The following DHTKD1 variants were observed in gnomAD, a reference collection of about 807,000 sequenced individuals.
DHTKD1 encodes the protein 2-oxoadipate dehydrogenase complex component E1.
A neutral mutation model predicts 101.8 loss-of-function variants in DHTKD1; 78 were observed. The ratio of observed to expected loss-of-function variants is 0.77; its 90% CI spans 0.64 to 0.93. DHTKD1 has a LOEUF of 0.93. DHTKD1 is among the 40% of genes least tolerant of loss of function. DHTKD1 has a pLI of 0.00. For synonymous variants in DHTKD1, 462 were observed against 450.3 expected, an observed-to-expected ratio of 1.03 and a Z score of -0.33; for missense variants, 1,223 against 1,161.7, an observed-to-expected ratio of 1.05 and a Z score of -0.77.
At chr10:12,114,682 G>A (rs981726933) in intron 13 of DHTKD1, among the ~76,000 whole-genome samples, 1 of 152,214 alleles carries the variant, frequency 6.6e-6, no homozygotes, top group African/African-American at 2.4e-5. Flanking sequence ...AGAATATCTT[G>A]TGCTGCTCAC....
chr10:12,086,053 A>T (rs1319046340), intron 3 of DHTKD1, among the ~76,000 whole-genome samples: 1 of 151,774 alleles, frequency 6.6e-6, no homozygotes, highest in East Asian at 1.9e-4. Context: ...TATTTTTAGT[A>T]GAGACGGGGT....
intron 5 of DHTKD1, among the ~76,000 whole-genome samples, chr10:12,090,407 T>TCCTGCC (rs755290569): frequency 5.8e-5 from 1 of 17,330 alleles, no homozygotes; most frequent in Admixed American, 6.4e-4. Context: ...CTTCCTTCCT[T>TCCTGCC]TTTTCCTTCC....
In DHTKD1 at chr10:12,119,452, G is replaced by A. The variant is rs555178426; in HGVS notation, c.2572+534G>A. ...AACACAGTGAAACCCCGTCTCTACT[G>A]AAAATACAAAAAAATTAGCCGGGCG... On this transcript the variant is annotated intron_variant, in intron 15 of 16. Transcript: ENST00000263035. Among the ~76,000 whole-genome samples, 790 of 146,974 alleles carry A rather than the reference G, an allele frequency of 5.4e-3. 12 individuals are homozygous for A. The highest frequency in any genetic ancestry group is 0.019 in the African/African-American group (738 of 39,684).
At chr10:12,116,329 ATCTTC>A (rs1485636775) in intron 13 of DHTKD1, 2 of 152,058 alleles carry the variant, frequency 1.3e-5, no homozygotes, top group African/African-American at 4.8e-5. Flanking sequence ...GGCCATGCTA[ATCTTC>A]TCTGCAGTGT....
At chr10:12,077,583 TTA>T (rs2131349016) in intron 1 of DHTKD1, among the ~76,000 whole-genome samples, 1 of 152,322 alleles carries the variant, frequency 6.6e-6, no homozygotes, top group South Asian at 2.1e-4. Flanking sequence ...TTCTACAATA[TTA>T]TTTTTTAATG....
At chr10:12,106,498 C>A in intron 11 of DHTKD1, 102 bp downstream of exon 11, 2 of 1,464,594 alleles carry the variant, frequency 1.4e-6, no homozygotes, top group Non-Finnish European at 1.9e-6. Flanking sequence ...CCTTGAGACT[C>A]CCGTGTGCGG....
chr10:12,083,802 C>T (rs1832857986), intron 2 of DHTKD1, among the ~76,000 whole-genome samples: 1 of 152,194 alleles, frequency 6.6e-6, no homozygotes, highest in African/African-American at 2.4e-5. Context: ...AGGCTCTGTC[C>T]TTGTGAAGGA....
Position 12,087,984 on chromosome 10 carries a change from G to A in DHTKD1, c.717+255G>A, listed in dbSNP as rs997056539. ...ATAAGTTAGCCAAGCATGGTGGCAC[G>A]CACCCGTGTTCCCAGCTACTCAGGA... On this transcript the variant is annotated intron_variant, in intron 4 of 16. Coordinates refer to ENST00000263035, the MANE Select transcript of DHTKD1 (RefSeq NM_018706.7). The surrounding 1 kb of genome is among the most constrained non-coding windows in gnomAD (Gnocchi z 5.2). Among the ~76,000 whole-genome samples the A allele has an allele frequency of 6.6e-6, 1 of 152,084 alleles. No homozygotes were observed. The highest frequency in any genetic ancestry group is 2.4e-5 in the African/African-American group (1 of 41,424).
Position 12,089,038 on chromosome 10 carries a change from C to T in DHTKD1, c.770C>T (p.Ala257Val). ...GLSEFPENFS[A>V]TGDVLSHLTS... ...AGTGAATTTCCAGAGAATTTCTCAGCCACTGGAGACGTCCTGTCTCACCTG... is the reference window on the plus strand; with the variant it reads ...AGTGAATTTCCAGAGAATTTCTCAGTCACTGGAGACGTCCTGTCTCACCTG... Residue 257 changes from alanine to valine, a missense_variant, in exon 5 of 17, where the codon GCC becomes GTC. Physicochemically the swap from Ala to Val is moderately conservative, Grantham distance 64. Transcript: ENST00000263035. 1 of 1,613,884 alleles carries T rather than the reference C, an allele frequency of 6.2e-7. No homozygotes were observed. The highest frequency in any genetic ancestry group is 1.1e-5 in the South Asian group (1 of 91,074).
chr10:12,090,003 GA>G (rs201411473), intron 5 of DHTKD1, among the ~76,000 whole-genome samples: 3,058 of 151,584 alleles, frequency 0.02, 96 homozygotes, highest in African/African-American at 0.069. Flanking sequence ...ATTTGAAAAT[GA>G]AAGTCTTTGG....
At chr10:12,079,374 A>T (rs1832780216) in intron 1 of DHTKD1, among the ~76,000 whole-genome samples, 1 of 152,210 alleles carries the variant, frequency 6.6e-6, no homozygotes, top group South Asian at 2.1e-4. Flanking sequence ...ATGTTCTTAA[A>T]AGGAGAGAGT....
rs749795009 is a variant in DHTKD1 at position 12,100,252 on chromosome 10, A to G, written c.1746A>G (p.Leu582=). 7.4e-7 allele frequency: 1 copy of G among 1,356,712 alleles called. No individual in the cohort carries two copies. Among genetic ancestry groups the G allele is most frequent in the Admixed American group, 2.4e-5 (1 of 42,024 alleles). 84.0% of individuals were successfully genotyped at this position (1,356,712 alleles called of 1,614,324 possible). ...CGGAAGCTCTTGCCTTGGGTTCTTT[A>G]CTTGCTCAAGGTAAGAATTTTCTTT... ...ATAEALALGS[L]LAQGFNVRLS... The change falls in exon 9 of 17, where the codon TTA becomes TTG. Residue 582 remains leucine, a synonymous_variant. Coordinates refer to ENST00000263035, the MANE Select transcript of DHTKD1 (RefSeq NM_018706.7).
intron 13 of DHTKD1, among the ~76,000 whole-genome samples, chr10:12,116,035 A>C (rs190543146): frequency 1.4e-4 from 21 of 151,930 alleles, no homozygotes; most frequent in Admixed American, 1.4e-3. Context: ...GGTTCAAGCA[A>C]TTCTCCTGCC....
Position 12,117,728 on chromosome 10 carries a change from T to C in DHTKD1, c.2375T>C (p.Ile792Thr), listed in dbSNP as rs1472845397. Reference sequence around the variant, plus strand: ...CCAGGAACAACATTTAACCCGGTCATTGGTGATTCATCTGTGGATCCAAAA... The same window carrying C: ...CCAGGAACAACATTTAACCCGGTCACTGGTGATTCATCTGTGGATCCAAAA... ...MAPGTTFNPV[I>T]GDSSVDPKKV... is the part of the protein sequence containing the mutation. Residue 792 changes from isoleucine to threonine, a missense_variant, in exon 14 of 17, where the codon ATT becomes ACT. Transcript: ENST00000263035. 3.1e-6 allele frequency: 5 copies of C among 1,604,986 alleles called. No individual in the cohort carries two copies. Among genetic ancestry groups the C allele is most frequent in the Middle Eastern group, 3.3e-4 (2 of 6,062 alleles).
rs762746645 is a variant in DHTKD1 at position 12,094,171 on chromosome 10, C to T, written c.1258C>T (p.Arg420Cys). The T allele has an allele frequency of 4.4e-5, 71 of 1,614,022 alleles. 1 individual carries two copies. In the South Asian group the frequency reaches 5.4e-4, roughly 12 times the overall value. The change falls in exon 7 of 17, where the codon CGC becomes TGC. Residue 420 changes from arginine to cysteine, a missense_variant. Physicochemically the swap from Arg to Cys is radical, Grantham distance 180 (BLOSUM62 -3). Transcript: ENST00000263035. ...RLAFEYQRQFRKDVIIDLLCY... is the reference protein window; with the variant it reads ...RLAFEYQRQFCKDVIIDLLCY... ...GGCTTTTGAATACCAACGCCAGTTC[C>T]GCAAGGATGTGATTATTGATCTGTT...
chr10:12,096,719 T>G (rs1173575714), intron 7 of DHTKD1, among the ~76,000 whole-genome samples: 1 of 152,246 alleles, frequency 6.6e-6, no homozygotes, highest in Admixed American at 6.5e-5. Context: ...TGATAATATA[T>G]GTGAATAGAC....
At position 12,104,911 on chromosome 10, in the gene DHTKD1, G is replaced by T. The variant is rs541723014; in HGVS notation, c.1897-1335G>T. On this transcript the variant is annotated intron_variant, in intron 10 of 16. Coordinates refer to ENST00000263035, the MANE Select transcript of DHTKD1 (RefSeq NM_018706.7). ...TTTTTTTTAGGCAGAGTCTCACTCT[G>T]TTGCCCAGGCTGGAGTGCAGTGGCA... Among the ~76,000 whole-genome samples, 4 of 148,450 alleles carry T rather than the reference G, an allele frequency of 2.7e-5. No individual in the cohort carries two copies. In the South Asian group the frequency reaches 8.5e-4, roughly 32 times the overall value.
At chr10:12,091,979 T>C (rs1832997867) in intron 6 of DHTKD1, among the ~76,000 whole-genome samples, 1 of 151,062 alleles carries the variant, frequency 6.6e-6, no homozygotes, top group Non-Finnish European at 1.5e-5. Context: ...TAATTTTTTT[T>C]TTTTTTTTTT....
At chr10:12,108,796 T>C (rs1833287350) in intron 12 of DHTKD1, among the ~76,000 whole-genome samples, 1 of 152,176 alleles carries the variant, frequency 6.6e-6, no homozygotes, top group Admixed American at 6.6e-5. Context: ...TTTTCACATA[T>C]CTATTCATCT....
Sources: allele counts gnomAD v4.1 joint callset (sites outside exome capture counted in the v4.1 genomes callset), GRCh38; gene constraint gnomAD v4.1.1; non-coding constraint Gnocchi (gnomAD v3.1); transcripts MANE v1.5; gene names NCBI Gene and HGNC (gene_info 2026-07-23, HGNC 2026-07-21).